Variants in FBXO11 observed in about 807,000 individuals in gnomAD.
FBXO11 encodes the protein F-box only protein 11.
FBXO11 carries 13 observed loss-of-function variants against 117.0 expected under a neutral mutation model. The observed-to-expected ratio is 0.11, with a 90% CI of 0.07 to 0.18. The LOEUF is 0.18. Ranked by LOEUF, FBXO11 falls within the 10% of genes least tolerant of loss-of-function variation. The pLI is 1.00. For missense variants in FBXO11, 767 were observed against 1,164.4 expected, an observed-to-expected ratio of 0.66 and a Z score of 4.97; for synonymous variants, 490 against 380.5, an observed-to-expected ratio of 1.29 and a Z score of -3.35.
chr2:47,873,987 G>T (rs1675810886), intron 1 of FBXO11, among the ~76,000 whole-genome samples: 1 of 152,026 alleles, frequency 6.6e-6, no homozygotes, highest in African/African-American at 2.4e-5. Context: ...GGCCGAGGTG[G>T]GTGGATCACG....
At chr2:47,808,937 TCCTC>T in intron 21 of FBXO11, 8 of 402,888 alleles carry the variant, frequency 2.0e-5, no homozygotes, top group Non-Finnish European at 3.5e-5. Context: ...GCTCCAGTGA[TCCTC>T]CCACTTCAGC....
chr2:47,808,622 G>A (rs1054486473), intron 21 of FBXO11, 195 bp from the exon 22 acceptor site: 3 of 496,184 alleles, frequency 6.0e-6, no homozygotes, highest in Non-Finnish European at 1.1e-5. Context: ...TCTTCGGAGG[G>A]AAGAGAAATG....
intron 16 of FBXO11, among the ~76,000 whole-genome samples, chr2:47,815,867 T>A (rs1216455217): frequency 6.6e-6 from 1 of 152,152 alleles, no homozygotes; most frequent in Non-Finnish European, 1.5e-5. Flanking sequence ...AGCAGGGATG[T>A]GTTTTAGAGC....
chr2:47,852,614 T>C (rs1302222558), intron 1 of FBXO11, among the ~76,000 whole-genome samples: 1 of 152,156 alleles, frequency 6.6e-6, no homozygotes, highest in East Asian at 1.9e-4. Flanking sequence ...CACTACTAAG[T>C]AATTTGGGTG....
intron 1 of FBXO11, among the ~76,000 whole-genome samples, chr2:47,890,006 A>G (rs1005350731): frequency 6.6e-6 from 1 of 152,238 alleles, no homozygotes; most frequent in Non-Finnish European, 1.5e-5. Context: ...CCTGGAAAGA[A>G]AGAATCACTG....
At chr2:47,864,784 C>T (rs1349470257) in intron 1 of FBXO11, among the ~76,000 whole-genome samples, 1 of 152,204 alleles carries the variant, frequency 6.6e-6, no homozygotes, top group Non-Finnish European at 1.5e-5. Context: ...TCACCCACAT[C>T]AAGTGACAGA....
At chr2:47,858,608 G>A (rs1315534961) in intron 1 of FBXO11, among the ~76,000 whole-genome samples, 4 of 148,502 alleles carry the variant, frequency 2.7e-5, no homozygotes, top group African/African-American at 7.4e-5. Context: ...CCTGAACCTG[G>A]GAGGCAGAGG....
chr2:47,887,689 C>T (rs1024530402), intron 1 of FBXO11, among the ~76,000 whole-genome samples: 1 of 152,054 alleles, frequency 6.6e-6, no homozygotes, highest in Non-Finnish European at 1.5e-5. Context: ...GGTGAAATCT[C>T]GTCTTTACAA....
chr2:47,905,520 C>G lies in FBXO11; in HGVS notation c.201G>C (p.Leu67=). 8.1e-7 allele frequency: 1 copy of G among 1,234,670 alleles called. No individual in the cohort carries two copies. Among genetic ancestry groups the G allele is most frequent in the Non-Finnish European group, 1.0e-6 (1 of 991,380 alleles). The allele number at this position is 1,234,670 out of a possible 1,614,324, so 76.5% of individuals were successfully genotyped here. A position where few individuals can be genotyped will look rare whatever the true frequency, so the allele number is the denominator to read the frequency against. The change falls in exon 1 of 23, where the codon CTG becomes CTC. Residue 67 remains leucine (L), a synonymous_variant. Transcript: ENST00000403359. The part of the protein sequence containing the change: ...PPPPPPPPPP[L]PQERNNVGER... ...CGCCGACGTTGTTCCGCTCCTGAGG[C>G]AGCGGCGGAGGCGGCGGTGGCGGCG...
At chr2:47,859,072 A>G (rs1330948851) in intron 1 of FBXO11, among the ~76,000 whole-genome samples, 1 of 151,816 alleles carries the variant, frequency 6.6e-6, no homozygotes. Context: ...AAGAAAAGAA[A>G]AGAAAAAGTA....
intron 1 of FBXO11, among the ~76,000 whole-genome samples, chr2:47,878,468 T>G (rs1171227256): frequency 6.6e-6 from 1 of 151,944 alleles, no homozygotes; most frequent in African/African-American, 2.4e-5. Context: ...GCAATTCTCC[T>G]GCCTCAGCCT....
At chr2:47,839,807 T>C in intron 1 of FBXO11, 38 bp from the exon 2 acceptor site, 1 of 1,573,724 alleles carries the variant, frequency 6.4e-7, no homozygotes, top group African/African-American at 1.4e-5. Flanking sequence ...ATTATACCCT[T>C]TTTAAAAAAA....
chr2:47,822,233 CT>C lies in FBXO11; in HGVS notation c.1686del (p.Gly563GlufsTer9). ...ATACGCTTACCATAAATGTCATTTC[CT>C]TCAATAAGGCCTCGTCCATCACCAA... ...YIFGDGRGLI[E>X]GNDIYGNALA... On this transcript the variant is annotated frameshift_variant, in exon 13 of 23. Coordinates refer to ENST00000403359, the MANE Select transcript of FBXO11 (RefSeq NM_001190274.2). LOFTEE classifies it high-confidence loss of function. The C allele has an allele frequency of 6.3e-7, 1 of 1,595,002 alleles. No individual in the cohort carries two copies. The highest frequency in any genetic ancestry group is 1.1e-5 in the South Asian group (1 of 87,556).
chr2:47,860,175 G>A (rs1029917668), intron 1 of FBXO11, among the ~76,000 whole-genome samples: 1 of 152,130 alleles, frequency 6.6e-6, no homozygotes, highest in African/African-American at 2.4e-5. Flanking sequence ...TATTGCTTCT[G>A]TTTCTTAGTG....
At chr2:47,828,374 A>C (rs534072754) in intron 11 of FBXO11, among the ~76,000 whole-genome samples, 8 of 152,288 alleles carry the variant, frequency 5.3e-5, no homozygotes, top group Admixed American at 6.5e-5. Flanking sequence ...AAAGTAGGCC[A>C]GGCGCGGTGG....
In FBXO11 at chr2:47,838,929, C is replaced by G; in HGVS notation, c.517G>C (p.Glu173Gln). ...VVLKIFSYLL[E>Q]QDLCRAACVC... ...CAAGCTGCTCTACAAAGATCCTGTT[C>G]CAGCAAGTAAGAGAAGATTTTTAGA... Residue 173 changes from glutamate to glutamine, a missense_variant, in exon 4 of 23, where the codon GAA (glutamate) becomes CAA (glutamine). Physicochemically the swap from Glu to Gln is conservative, Grantham distance 29. Transcript: ENST00000403359. 6.2e-7 allele frequency: 1 copy of G among 1,614,046 alleles called. No homozygotes were observed. Among genetic ancestry groups the G allele is most frequent in the East Asian group, 2.2e-5 (1 of 44,860 alleles).
chr2:47,892,096 T>C (rs112891175), intron 1 of FBXO11, among the ~76,000 whole-genome samples: 2,003 of 152,366 alleles, frequency 0.013, 34 homozygotes, highest in African/African-American at 0.043. Flanking sequence ...CTGTTTCCTT[T>C]GCTGTGTAGA....
intron 16 of FBXO11, among the ~76,000 whole-genome samples, chr2:47,815,564 G>C (rs952765884): frequency 8.5e-5 from 13 of 152,140 alleles, no homozygotes; most frequent in African/African-American, 2.9e-4. Context: ...CATACTTCGG[G>C]GTTTAATGAG....
At chr2:47,881,818 C>T (rs1286593638) in intron 1 of FBXO11, among the ~76,000 whole-genome samples, 1 of 151,968 alleles carries the variant, frequency 6.6e-6, no homozygotes, top group Non-Finnish European at 1.5e-5. Context: ...TGCATAATCT[C>T]TCACTGCAAC....
Sources: gnomAD v4.1 joint callset for allele counts (sites outside exome capture counted in the v4.1 genomes callset) on GRCh38, gnomAD v4.1.1 for gene constraint, MANE v1.5 for transcripts, NCBI Gene and HGNC (gene_info 2026-07-23, HGNC 2026-07-21) for gene names.